The following CCDC7 variants were observed in gnomAD, a reference collection of about 807,000 sequenced individuals.
The protein encoded by CCDC7 is coiled-coil domain-containing protein 7.
Under a neutral mutation model 196.9 loss-of-function variants are expected in CCDC7, and 183 were observed. The ratio of observed to expected loss-of-function variants is 0.93; its 90% confidence interval spans 0.82 to 1.05. CCDC7 has a LOEUF of 1.05. CCDC7 is among the 50% of genes least tolerant of loss of function. CCDC7 has a pLI of 0.00. For missense variants in CCDC7, 1,540 were observed against 1,482.2 expected (o/e 1.04, Z -0.64); for synonymous variants, 525 against 484.6 (o/e 1.08, Z -1.10).
chr10:32,797,193 G>GTA (rs1555153722), intron 29 of CCDC7, among the ~76,000 whole-genome samples: 2 of 137,892 alleles, frequency 1.5e-5, no homozygotes, highest in African/African-American at 2.6e-5. Context: ...ATATATATAC[G>GTA]TATATATATA....
chr10:32,489,877 C>G (rs2041883454), intron 8 of CCDC7, among the ~76,000 whole-genome samples: 1 of 151,732 alleles, frequency 6.6e-6, no homozygotes, highest in Non-Finnish European at 1.5e-5. Flanking sequence ...TGGTCTGGGT[C>G]ACACATGGAA....
chr10:32,488,888 G>C (rs528795168), intron 8 of CCDC7, among the ~76,000 whole-genome samples: 1 of 152,304 alleles, frequency 6.6e-6, no homozygotes, highest in Admixed American at 6.5e-5. Context: ...ACACTAGCTG[G>C]GTGGGGTGTG....
intron 32 of CCDC7, among the ~76,000 whole-genome samples, chr10:32,827,841 A>G (rs373554940): frequency 1.3e-5 from 2 of 152,112 alleles, no homozygotes; most frequent in East Asian, 3.8e-4. Flanking sequence ...CTGCAAAGCC[A>G]TATTTTTTGT....
chr10:32,532,222 G>A (rs2049790360), intron 11 of CCDC7, among the ~76,000 whole-genome samples: 2 of 151,748 alleles, frequency 1.3e-5, no homozygotes, highest in South Asian at 2.1e-4. Context: ...CATAAACTTT[G>A]GTATGTTGTA....
chr10:32,644,455 T>G lies in CCDC7; in HGVS notation c.2014+9297T>G, dbSNP rs922474482. ...GAGTGAGATCATATGGAGTTTGTCT[T>G]TCTTGCCTGGCTTGTTTTACTTGAC... On this transcript the variant is annotated intron_variant, in intron 20 of 41. Coordinates refer to ENST00000639629, the Ensembl canonical transcript of CCDC7. Among the ~76,000 whole-genome samples the G allele has an allele frequency of 4.6e-5, 7 of 152,306 alleles. No homozygotes were observed. In the East Asian group the frequency reaches 1.4e-3, roughly 29 times the overall value.
chr10:32,716,348 TGA>T (rs752607153), intron 25 of CCDC7, among the ~76,000 whole-genome samples: 5 of 152,180 alleles, frequency 3.3e-5, no homozygotes, highest in Admixed American at 6.5e-5. Context: ...AAGCAAATGC[TGA>T]GAGAGAATTT....
intron 23 of CCDC7, 123 bp from the exon 25 acceptor site, chr10:32,694,756 A>G: frequency 1.9e-6 from 1 of 530,500 alleles, no homozygotes; most frequent in Non-Finnish European, 3.3e-6. Context: ...TGGATTTCTG[A>G]TAATTTACTT....
chr10:32,621,679 G>A (rs1375365785), intron 18 of CCDC7, among the ~76,000 whole-genome samples: 1 of 152,102 alleles, frequency 6.6e-6, no homozygotes, highest in Non-Finnish European at 1.5e-5. Flanking sequence ...GGAGGCCATT[G>A]GTTTAAGTCC....
chr10:32,669,006 C>CGTA (rs1444343536), intron 21 of CCDC7, among the ~76,000 whole-genome samples: 1 of 152,070 alleles, frequency 6.6e-6, no homozygotes, highest in African/African-American at 2.4e-5. Context: ...AACTTACTAC[C>CGTA]ATTAAGTATA....
chr10:32,875,986 G>T (rs2136959407), intron 41 of CCDC7, among the ~76,000 whole-genome samples: 1 of 152,054 alleles, frequency 6.6e-6, no homozygotes, highest in Admixed American at 6.6e-5. Flanking sequence ...CTCTGGGCTA[G>T]CAGCATGGGC....
At chr10:32,627,034 GTT>G (rs34388762) in intron 18 of CCDC7, among the ~76,000 whole-genome samples, 6,034 of 145,830 alleles carry the variant, frequency 0.041, 127 homozygotes, top group Middle Eastern at 0.057. Context: ...GGCTATTCAG[GTT>G]TTTTTTTTTT....
intron 28 of CCDC7, among the ~76,000 whole-genome samples, chr10:32,767,765 TTAAA>T (rs1435378211): frequency 6.6e-6 from 1 of 152,050 alleles, no homozygotes; most frequent in Non-Finnish European, 1.5e-5. Flanking sequence ...ACCAAACTGA[TTAAA>T]TAAGGCATCA....
At chr10:32,465,400 A>G (rs1405523625) in intron 5 of CCDC7, among the ~76,000 whole-genome samples, 1 of 150,866 alleles carries the variant, frequency 6.6e-6, no homozygotes, top group Non-Finnish European at 1.5e-5. Context: ...CATTCTCTCC[A>G]TATGGTTCCC....
intron 29 of CCDC7, among the ~76,000 whole-genome samples, chr10:32,801,506 A>G (rs1347711450): frequency 6.6e-6 from 1 of 152,168 alleles, no homozygotes; most frequent in Middle Eastern, 3.2e-3. Flanking sequence ...TCCTTCCACC[A>G]TTATCCTACA....
At chr10:32,814,498 T>C in intron 31 of CCDC7, 45 bp downstream of exon 32, 1 of 1,387,402 alleles carries the variant, frequency 7.2e-7, no homozygotes, top group Non-Finnish European at 1.0e-6. Flanking sequence ...GGTTAGTTTA[T>C]ATTCTCTGGA....
intron 24 of CCDC7, among the ~76,000 whole-genome samples, chr10:32,695,658 G>A (rs1482690031): frequency 1.3e-5 from 2 of 152,130 alleles, no homozygotes; most frequent in African/African-American, 2.4e-5. Flanking sequence ...TATAGTGGAA[G>A]GCCAGTGCTT....
chr10:32,495,205 T>C (rs1025121999), intron 9 of CCDC7, among the ~76,000 whole-genome samples: 12 of 152,226 alleles, frequency 7.9e-5, no homozygotes, highest in Non-Finnish European at 5.9e-5. Context: ...GAAATGTCTA[T>C]TCATATTCTT....
At chr10:32,682,930 C>G (rs56310229) in intron 21 of CCDC7, among the ~76,000 whole-genome samples, 13,429 of 152,088 alleles carry the variant, frequency 0.088, 862 homozygotes, top group East Asian at 0.33. Flanking sequence ...AATATTTTCT[C>G]CTATTCTGTA....
At chr10:32,563,326 G>A (rs2056125256) in intron 13 of CCDC7, among the ~76,000 whole-genome samples, 1 of 152,108 alleles carries the variant, frequency 6.6e-6, no homozygotes, top group Non-Finnish European at 1.5e-5. Flanking sequence ...AACCAAAAAA[G>A]AGCCCGCATT....
Sources: allele counts gnomAD v4.1 joint callset (sites outside exome capture counted in the v4.1 genomes callset), GRCh38; gene constraint gnomAD v4.1.1; transcripts MANE v1.5; gene names NCBI Gene and HGNC (gene_info 2026-07-23, HGNC 2026-07-21).